ECE1: variants seen among roughly 807,000 people sequenced by gnomAD.
The protein encoded by ECE1 is endothelin converting enzyme 1.
A neutral mutation model predicts 98.6 loss-of-function variants in ECE1; 35 were observed. The observed-to-expected ratio is 0.35, with a 90% CI of 0.27 to 0.47. The LOEUF (loss-of-function observed/expected upper bound fraction) is 0.47, where lower values mean the gene tolerates loss of function less well. ECE1 is among the 20% of genes least tolerant of loss of function. The pLI, the probability that ECE1 is intolerant of heterozygous loss-of-function variation, is 1.00. For synonymous variants in ECE1, 394 were observed against 407.1 expected (o/e 0.97, Z 0.39); for missense variants, 814 against 1,025.3 (o/e 0.79, Z 2.81).
intron 4 of ECE1, among the ~76,000 whole-genome samples, chr1:21,261,303 T>C (rs901323161): frequency 6.6e-6 from 1 of 152,170 alleles, no homozygotes. Context: ...AGCCCCTTCC[T>C]TTGCCTCCTT....
Position 21,279,228 on chromosome 1 carries a change from C to T in ECE1, c.243G>A (p.Val81=). Residue 81 remains valine (V), a synonymous_variant, in exon 3 of 19, where the codon GTG becomes GTA. Coordinates refer to ENST00000374893, the MANE Select transcript of ECE1 (RefSeq NM_001397.3). ...GGATGCCCAGTGCTGCCAAGCAGGC[C>T]ACCAGTCCTGCCGCCAGAAGTACCA... The part of the protein sequence containing the change: ...VLVVLLAAGL[V]ACLAALGIQY... 6.2e-7 allele frequency: 1 copy of T among 1,614,198 alleles called. No homozygotes were observed. Among genetic ancestry groups the T allele is most frequent in the Non-Finnish European group, 8.5e-7 (1 of 1,180,034 alleles).
intron 13 of ECE1, among the ~76,000 whole-genome samples, chr1:21,234,476 T>C (rs368123674): frequency 6.6e-6 from 1 of 151,344 alleles, no homozygotes; most frequent in African/African-American, 2.4e-5. Flanking sequence ...CCCAGCTTTC[T>C]AGCTTTTTTT....
Position 21,257,523 on chromosome 1 carries a change from A to G in ECE1, c.828+2T>C, listed in dbSNP as rs1241007132. On this transcript the variant is annotated splice_donor_variant, in intron 7 of 18. Coordinates refer to ENST00000374893, the MANE Select transcript of ECE1 (RefSeq NM_001397.3). LOFTEE classifies it high-confidence loss of function. Reference sequence around the variant, plus strand: ...AGGCTGGGAGGGGAGAGGCACGCTTACCTTCTCGTTTTCAGTTTTGTTCAG... The same window carrying G: ...AGGCTGGGAGGGGAGAGGCACGCTTGCCTTCTCGTTTTCAGTTTTGTTCAG... The G allele has an allele frequency of 5.6e-6, 9 of 1,614,042 alleles. No homozygotes were observed. The highest frequency in any genetic ancestry group is 6.8e-6 in the Non-Finnish European group (8 of 1,180,026).
intron 2 of ECE1, among the ~76,000 whole-genome samples, chr1:21,282,577 G>C (rs1199252327): frequency 1.4e-5 from 2 of 141,406 alleles, no homozygotes. Context: ...GACAGAGTGA[G>C]ACGCTGTCTT....
intron 1 of ECE1, among the ~76,000 whole-genome samples, chr1:21,308,568 A>G (rs1638647317): frequency 6.6e-6 from 1 of 152,168 alleles, no homozygotes; most frequent in African/African-American, 2.4e-5. Context: ...GGCAGCCTTC[A>G]TGAGGCTGTC....
intron 1 of ECE1, among the ~76,000 whole-genome samples, chr1:21,306,679 G>A (rs1351276466): frequency 1.3e-5 from 2 of 152,130 alleles, no homozygotes; most frequent in East Asian, 1.9e-4. Flanking sequence ...GGCACAGAAA[G>A]GTTACAGTCA....
chr1:21,300,046 A>C (rs1638450290), intron 1 of ECE1, among the ~76,000 whole-genome samples: 1 of 152,246 alleles, frequency 6.6e-6, no homozygotes, highest in Non-Finnish European at 1.5e-5. Context: ...ATGGAGTTTG[A>C]AAAATCACTC....
intron 1 of ECE1, among the ~76,000 whole-genome samples, chr1:21,296,382 C>T (rs1017233719): frequency 6.6e-6 from 1 of 151,950 alleles, no homozygotes; most frequent in Admixed American, 6.6e-5. Context: ...GGTGTGGTGG[C>T]ATCCACCTGT....
intron 2 of ECE1, among the ~76,000 whole-genome samples, chr1:21,289,722 G>A (rs1216375832): frequency 6.6e-6 from 1 of 152,056 alleles, no homozygotes. Flanking sequence ...AAGGGCCTGG[G>A]CAAGTCCCGG....
chr1:21,265,341 G>A (rs2098232506), intron 4 of ECE1, among the ~76,000 whole-genome samples: 1 of 152,138 alleles, frequency 6.6e-6, no homozygotes, highest in Non-Finnish European at 1.5e-5. Flanking sequence ...AGACCAGCCT[G>A]GCCAACCTGG....
Position 21,327,746 on chromosome 1 carries a change from G to A in ECE1, c.3+17630C>T, listed in dbSNP as rs1402946208. On this transcript the variant is annotated intron_variant, in intron 1 of 18. Transcript: ENST00000415912. This position sits in a 1 kb window ranked among gnomAD's most constrained non-coding sequence, Gnocchi z 4.6. ...GGGGTCCCCAGCCCCCCGGGCCTCA[G>A]ACCAGTACCAGTCCATGGCCTGTTA... Among the ~76,000 whole-genome samples, 1 of 152,200 alleles carries A rather than the reference G, an allele frequency of 6.6e-6. No individual in the cohort carries two copies. The highest frequency in any genetic ancestry group is 2.4e-5 in the African/African-American group (1 of 41,444).
At chr1:21,308,698 G>T (rs1291242173) in intron 1 of ECE1, among the ~76,000 whole-genome samples, 1 of 152,172 alleles carries the variant, frequency 6.6e-6, no homozygotes, top group African/African-American at 2.4e-5. Context: ...ACCTCTGAAT[G>T]AGACGGTGAA....
chr1:21,233,735 G>A lies in ECE1; in HGVS notation c.1567-74C>T. On this transcript the variant is annotated intron_variant, in intron 13 of 18. Coordinates refer to ENST00000374893, the MANE Select transcript of ECE1 (RefSeq NM_001397.3). The surrounding 1 kb of genome is among the most constrained non-coding windows in gnomAD (Gnocchi z 4.0). ...CATCTTCCAAGACAGGAAGCCAAGG[G>A]CTGTCATGGTTAAGAGATTAATCTG... 2.1e-6 allele frequency: 3 copies of A among 1,401,026 alleles called. No individual in the cohort carries two copies. The highest frequency in any genetic ancestry group is 3.0e-6 in the Non-Finnish European group (3 of 994,524). The allele number at this position is 1,401,026 out of a possible 1,614,324, so 86.8% of individuals were successfully genotyped here.
At chr1:21,298,501 C>T (rs1315886988) in intron 1 of ECE1, 5 of 327,798 alleles carry the variant, frequency 1.5e-5, no homozygotes, top group South Asian at 2.4e-5. Context: ...ATCATGGTGC[C>T]GACCCCAAAG....
Position 21,319,928 on chromosome 1 carries a change from C to T in ECE1, c.3+25448G>A, listed in dbSNP as rs780856371. Among the ~76,000 whole-genome samples the T allele has an allele frequency of 9.9e-5, 15 of 152,174 alleles. No homozygotes were observed. Among genetic ancestry groups the T allele is most frequent in the South Asian group, 2.1e-4 (1 of 4,830 alleles). On this transcript the variant is annotated intron_variant, in intron 1 of 18. Coordinates refer to the ECE1 transcript ENST00000415912. This position sits in a 1 kb window ranked among gnomAD's most constrained non-coding sequence, Gnocchi z 4.4. ...CCACTCCAGATCTTCTGTTTACACT[C>T]GGCAGCAGCGTCCCATCTTTTGACT...
rs2098225217 is a variant in ECE1, at chr1:21,260,387, A to G, written c.499T>C (p.Ser167Pro). The G allele has an allele frequency of 6.2e-7, 1 of 1,614,158 alleles. No individual in the cohort carries two copies. ...QAIIKHLLEN[S>P]TASVSEAERK... is the part of the protein sequence containing the mutation. ...TCTGCCTCGCTCACGCTGGCCGTGG[A>G]GTTTTCTGGAACAACAGACAGTGGA... The change falls in exon 5 of 19, where the codon TCC (serine) becomes CCC (proline). Residue 167 changes from serine (S) to proline (P), a missense_variant. Physicochemically the swap from Ser to Pro is moderately conservative, Grantham distance 74 (BLOSUM62 -1). Coordinates refer to ENST00000374893, the MANE Select transcript of ECE1 (RefSeq NM_001397.3). The surrounding 1 kb of genome is among the most constrained non-coding windows in gnomAD (Gnocchi z 4.3).
intron 1 of ECE1, among the ~76,000 whole-genome samples, chr1:21,342,609 CA>C: frequency 2.4e-5 from 1 of 41,392 alleles, no homozygotes; most frequent in Admixed American, 2.9e-4. Context: ...CACACAGATA[CA>C]CACACACACA....
chr1:21,272,896 C>A lies in ECE1; in HGVS notation c.296G>T (p.Cys99Phe), dbSNP rs750394604. The A allele has an allele frequency of 6.2e-7, 1 of 1,614,168 alleles. No individual in the cohort carries two copies. Among genetic ancestry groups the A allele is most frequent in the Non-Finnish European group, 8.5e-7 (1 of 1,180,004 alleles). Residue 99 changes from cysteine to phenylalanine, a missense_variant, in exon 4 of 19, where the codon TGC (cysteine) becomes TTC (phenylalanine). Cys to Phe is a radical substitution (Grantham distance 205). Coordinates refer to ENST00000374893, the MANE Select transcript of ECE1 (RefSeq NM_001397.3). ...IQYQTRSPSV[C>F]LSEACVSVTS... ...CACTGAGACACAAGCTTCGCTCAGG[C>A]ACACAGAGGGGGATCCTGGAAGGGT...
intron 3 of ECE1, among the ~76,000 whole-genome samples, chr1:21,275,603 T>C (rs1212254699): frequency 2.0e-5 from 3 of 152,148 alleles, no homozygotes; most frequent in African/African-American, 7.2e-5. Context: ...CTCAAATAAA[T>C]AAATAAAGCA....
Sources: gnomAD v4.1 joint callset for allele counts (sites outside exome capture counted in the v4.1 genomes callset) on GRCh38, gnomAD v4.1.1 for gene constraint, Gnocchi (gnomAD v3.1) non-coding constraint, MANE v1.5 for transcripts, NCBI Gene and HGNC (gene_info 2026-07-23, HGNC 2026-07-21) for gene names.